Variants in MTRF1 observed in about 807,000 individuals in gnomAD.
The protein encoded by MTRF1 is mitochondrial translation release factor 1.
A neutral mutation model predicts 62.9 loss-of-function variants in MTRF1; 51 were observed. The observed-to-expected ratio is 0.81, with a 90% CI of 0.65 to 1.02. MTRF1 has a LOEUF of 1.02. MTRF1 is among the 50% of genes least tolerant of loss of function. MTRF1 has a pLI of 0.00. For synonymous variants in MTRF1, 158 were observed against 181.9 expected (o/e 0.87, Z 1.06); for missense variants, 446 against 530.0 (o/e 0.84, Z 1.56).
At chr13:41,237,519 C>G (rs922672224) in intron 6 of MTRF1, among the ~76,000 whole-genome samples, 3 of 151,296 alleles carry the variant, frequency 2.0e-5, no homozygotes, top group Admixed American at 1.3e-4. Context: ...TTTTTTGAAA[C>G]AGAGTCTCAC....
intron 6 of MTRF1, chr13:41,236,582 T>C (rs1360753394): frequency 6.6e-6 from 1 of 152,210 alleles, no homozygotes; most frequent in Non-Finnish European, 1.5e-5. Context: ...CTTTTGTATG[T>C]TTCCTCTCAA....
chr13:41,267,863 G>GGA (rs557313460), upstream of MTRF1, among the ~76,000 whole-genome samples: 8,040 of 149,654 alleles, frequency 0.054, 267 homozygotes, highest in Non-Finnish European at 0.08. Flanking sequence ...AGAAACTGTT[G>GGA]AAAAAAAAAA....
At chr13:41,268,555 T>TGAAAGAAAAGA (rs2139251562), upstream of MTRF1, among the ~76,000 whole-genome samples, 1 of 151,586 alleles carries the variant, frequency 6.6e-6, no homozygotes, top group South Asian at 2.1e-4. Flanking sequence ...CAAAAAAAAA[T>TGAAAGAAAAGA]GAAAGAAAAG....
At chr13:41,240,729 T>C (rs1042764528) in intron 5 of MTRF1, among the ~76,000 whole-genome samples, 1 of 152,226 alleles carries the variant, frequency 6.6e-6, no homozygotes, top group Non-Finnish European at 1.5e-5. Context: ...TATTTCGTTA[T>C]GTCTGGGGAA....
chr13:41,266,630 A>G (rs1278962043), upstream of MTRF1, among the ~76,000 whole-genome samples: 2 of 151,980 alleles, frequency 1.3e-5, no homozygotes, highest in Non-Finnish European at 2.9e-5. Context: ...CAAAACAAAA[A>G]ACAGTGAGAC....
chr13:41,284,676 G>T, the MTRF1 span, among the ~76,000 whole-genome samples: 16 of 151,588 alleles, frequency 1.1e-4, no homozygotes, highest in African/African-American at 3.2e-4. Context: ...CACCAGGCTG[G>T]AGTGCAGTGG....
At position 41,260,687 on chromosome 13, in the gene MTRF1, G is replaced by C; in HGVS notation, c.221C>G (p.Ala74Gly). The C allele has an allele frequency of 6.2e-7, 1 of 1,614,092 alleles. No individual in the cohort carries two copies. Among genetic ancestry groups the C allele is most frequent in the Non-Finnish European group, 8.5e-7 (1 of 1,179,978 alleles). Residue 74 changes from alanine to glycine, a missense_variant, in exon 2 of 10, where the codon GCA becomes GGA. Transcript: ENST00000379480. Reference sequence around the variant, plus strand: ...CAGGTTCTCCATATATTTCTGTAGTGCTTTATGCTTCCAGAGCATCTTGGT... The same window carrying C: ...CAGGTTCTCCATATATTTCTGTAGTCCTTTATGCTTCCAGAGCATCTTGGT... Reference protein sequence around the residue: ...QDTKMLWKHKALQKYMENLSK... With the variant: ...QDTKMLWKHKGLQKYMENLSK...
At chr13:41,287,060 G>C in the MTRF1 span, among the ~76,000 whole-genome samples, 1 of 152,200 alleles carries the variant, frequency 6.6e-6, no homozygotes, top group Non-Finnish European at 1.5e-5. Context: ...ATGCAACTTA[G>C]TTCAGAAGGT....
Position 41,231,944 on chromosome 13 carries a change from C to G in MTRF1, c.988+1946G>C, listed in dbSNP as rs545730479. On this transcript the variant is annotated intron_variant, in intron 7 of 9. Coordinates refer to ENST00000379480, the MANE Select transcript of MTRF1 (RefSeq NM_004294.4). ...TGGCAAGCGCCTATAGTTCCAGCTA[C>G]CAGGAAGCTGGGACGGGGGAGTGGT... 2.0e-5 allele frequency among the ~76,000 whole-genome samples: 3 copies of G among 150,828 alleles called. 1 individual carries two copies. In the South Asian group the frequency reaches 6.3e-4, roughly 32 times the overall value.
the MTRF1 span, among the ~76,000 whole-genome samples, chr13:41,298,403 T>C: frequency 0.024 from 9 of 382 alleles, no homozygotes; most frequent in East Asian, 0.25. Flanking sequence ...AGTTACACTC[T>C]CATAGTGTAA....
intron 9 of MTRF1, among the ~76,000 whole-genome samples, chr13:41,221,126 A>G (rs1383343204): frequency 6.7e-6 from 1 of 149,592 alleles, no homozygotes; most frequent in African/African-American, 2.5e-5. Flanking sequence ...TTCCAGCTTC[A>G]TCTATGATTT....
chr13:41,287,004 A>G, the MTRF1 span, among the ~76,000 whole-genome samples: 1 of 152,238 alleles, frequency 6.6e-6, no homozygotes, highest in Non-Finnish European at 1.5e-5. Context: ...TTTCCCAAAG[A>G]CAAAGGTCTT....
At chr13:41,289,890 T>C in the MTRF1 span, among the ~76,000 whole-genome samples, 1 of 152,110 alleles carries the variant, frequency 6.6e-6, no homozygotes, top group Non-Finnish European at 1.5e-5. Flanking sequence ...TCATCCAACA[T>C]ATTCACCTGA....
chr13:41,256,432 T>C (rs377433819), intron 2 of MTRF1, among the ~76,000 whole-genome samples: 67 of 151,944 alleles, frequency 4.4e-4, no homozygotes, highest in African/African-American at 1.6e-3. Context: ...GTTCAAGCAA[T>C]TCTCCTGCCT....
the MTRF1 span, among the ~76,000 whole-genome samples, chr13:41,279,397 G>A: frequency 9.7e-4 from 147 of 152,290 alleles, no homozygotes; most frequent in African/African-American, 3.2e-3. Context: ...CCTCTTAACC[G>A]TAACCCAAAC....
the MTRF1 span, among the ~76,000 whole-genome samples, chr13:41,271,972 CA>C: frequency 2.0e-5 from 3 of 152,006 alleles, no homozygotes; most frequent in Non-Finnish European, 4.4e-5. Context: ...GAGAAAAAAA[CA>C]AAAAACACAG....
At chr13:41,267,150 TTTC>T (rs1225322974), upstream of MTRF1, among the ~76,000 whole-genome samples, 1 of 152,142 alleles carries the variant, frequency 6.6e-6, no homozygotes, top group African/African-American at 2.4e-5. Context: ...AGATTCTCCT[TTTC>T]TTCTTTTTTT....
At chr13:41,268,067 C>T (rs1215286036), upstream of MTRF1, among the ~76,000 whole-genome samples, 1 of 152,112 alleles carries the variant, frequency 6.6e-6, no homozygotes, top group Non-Finnish European at 1.5e-5. Flanking sequence ...AATTCTTAAA[C>T]AAATTTCTTA....
the MTRF1 span, among the ~76,000 whole-genome samples, chr13:41,272,797 G>T: frequency 6.6e-6 from 1 of 152,070 alleles, no homozygotes; most frequent in South Asian, 2.1e-4. Context: ...CATCGTCATG[G>T]AAGCAGAAAA....
Sources: allele counts gnomAD v4.1 joint callset (sites outside exome capture counted in the v4.1 genomes callset), GRCh38; gene constraint gnomAD v4.1.1; transcripts MANE v1.5; gene names NCBI Gene and HGNC (gene_info 2026-07-23, HGNC 2026-07-21).